WNK3: variants seen among roughly 807,000 people sequenced by gnomAD.
WNK3 encodes the protein serine/threonine-protein kinase WNK3.
Under a neutral mutation model 116.7 loss-of-function variants are expected in WNK3, and 18 were observed. The ratio of observed to expected loss-of-function variants is 0.15; its 90% CI spans 0.11 to 0.23. The LOEUF is 0.23. WNK3 is among the 10% of genes least tolerant of loss of function. The probability of loss-of-function intolerance (pLI) is 1.00; values close to 1 mark genes in which losing one functional copy is unlikely to be tolerated. For missense variants in WNK3, 993 were observed against 1,323.8 expected (o/e 0.75, Z 3.88); for synonymous variants, 404 against 469.4 (o/e 0.86, Z 1.80).
At chrX:54,309,384 T>C in intron 3 of WNK3, 69 bp from the exon 4 acceptor site, 1 of 799,131 alleles carries the variant, frequency 1.3e-6, no homozygotes, top group African/African-American at 2.0e-5. Context: ...ACTATTAAGG[T>C]AAGTTACATA....
intron 17 of WNK3, among the ~76,000 whole-genome samples, chrX:54,243,407 C>T (rs1377076623): frequency 4.9e-5 from 4 of 81,160 alleles, no homozygotes; most frequent in Non-Finnish European, 6.6e-5. Context: ...GGCGAAAGTG[C>T]GAGACTCCGT....
chrX:54,208,179 C>T (rs1243153171), intron 22 of WNK3, among the ~76,000 whole-genome samples: 6 of 110,386 alleles, frequency 5.4e-5, no homozygotes, highest in Non-Finnish European at 1.1e-4. Flanking sequence ...GGCTGCAGTG[C>T]AGTGGCGCGA....
intron 8 of WNK3, among the ~76,000 whole-genome samples, 142 bp downstream of exon 8, chrX:54,294,391 TAGAAGTGCTATTTAGAGCAC>T (rs1300699952): frequency 2.7e-5 from 3 of 111,822 alleles, no homozygotes; most frequent in African/African-American, 6.5e-5. Context: ...GATGAAATGA[TAGAAGTGCTATTTAGAGCAC>T]AGAAGTGCTA....
At chrX:54,270,480 A>G (rs368814432) in intron 10 of WNK3, among the ~76,000 whole-genome samples, 1 of 103,569 alleles carries the variant, frequency 9.7e-6, no homozygotes, top group Non-Finnish European at 2.0e-5. Context: ...TCTTGGTTCA[A>G]TGCAACTTCC....
chrX:54,333,011 C>A (rs2069190721), intron 2 of WNK3, 126 bp downstream of exon 2: 1 of 478,039 alleles, frequency 2.1e-6, no homozygotes, highest in Admixed American at 3.9e-5. Context: ...ACCATAATTT[C>A]TAGGATGTGG....
chrX:54,219,999 A>G (rs192718657), intron 22 of WNK3, among the ~76,000 whole-genome samples: 18 of 112,056 alleles, frequency 1.6e-4, no homozygotes, highest in African/African-American at 5.5e-4. Context: ...GGTATATACA[A>G]CTGAGATTTG....
At chrX:54,324,315 A>G (rs2069072382) in intron 2 of WNK3, among the ~76,000 whole-genome samples, 1 of 112,227 alleles carries the variant, frequency 8.9e-6, no homozygotes. Flanking sequence ...GTAAGATGAC[A>G]TATTCACAGG....
At chrX:54,338,646 T>A (rs1232713346) in intron 1 of WNK3, among the ~76,000 whole-genome samples, 1 of 106,636 alleles carries the variant, frequency 9.4e-6, no homozygotes, top group Non-Finnish European at 1.9e-5. Context: ...AATAGAGGAG[T>A]GGCAAGTACT....
intron 1 of WNK3, among the ~76,000 whole-genome samples, chrX:54,339,751 A>G (rs2069293702): frequency 8.9e-6 from 1 of 112,448 alleles, no homozygotes; most frequent in South Asian, 3.7e-4. Context: ...TCCTAAATAC[A>G]AAAGCTAAAA....
intron 1 of WNK3, among the ~76,000 whole-genome samples, chrX:54,336,691 A>G (rs1367131424): frequency 9.0e-6 from 1 of 111,373 alleles, no homozygotes; most frequent in Non-Finnish European, 1.9e-5. Context: ...AAACAAGGAG[A>G]CCCATTAAAA....
chrX:54,266,894 C>T (rs1226050502), intron 10 of WNK3, among the ~76,000 whole-genome samples: 1 of 109,971 alleles, frequency 9.1e-6, no homozygotes, highest in Non-Finnish European at 1.9e-5. Context: ...CCTCCCCTTT[C>T]CCCACATCCC....
At chrX:54,291,313 A>T in intron 10 of WNK3, among the ~76,000 whole-genome samples, 1 of 109,229 alleles carries the variant, frequency 9.2e-6, no homozygotes, top group East Asian at 2.8e-4. Context: ...ACTCCATCTC[A>T]AAAAAAACAA....
rs1214355492 is a variant in WNK3, at chrX:54,211,822, A to G, written c.4871-9629T>C. ...GACTCTGCCTCAAAAAAAAAGAGAC[A>G]ATGAGAAAAATCTCCAAACTCTTCA... On this transcript the variant is annotated intron_variant, in intron 22 of 23. Coordinates refer to ENST00000354646, the Ensembl canonical transcript of WNK3. 1.9e-4 allele frequency among the ~76,000 whole-genome samples: 21 copies of G among 110,678 alleles called. No individual in the cohort carries two copies. The Admixed American group carries it at 2.1e-3, about 11-fold the overall frequency.
exon 2 of WNK3, chrX:54,333,452 T>G: frequency 8.3e-7 from 1 of 1,211,597 alleles, no homozygotes; most frequent in African/African-American, 1.7e-5. Context: ...CTTTGGGGGA[T>G]GATTCGGCAA....
chrX:54,255,810 C>T (rs1557155355), exon 12 of WNK3: 4 of 1,207,164 alleles, frequency 3.3e-6, no homozygotes, highest in Non-Finnish European at 4.5e-6. Flanking sequence ...CTGTTTGATC[C>T]GATCCTGTTT....
intron 3 of WNK3, among the ~76,000 whole-genome samples, chrX:54,310,165 A>G (rs2068870563): frequency 9.2e-6 from 1 of 108,804 alleles, no homozygotes; most frequent in Non-Finnish European, 1.9e-5. Context: ...ATAATATACT[A>G]TAATACTATA....
At chrX:54,340,121 G>A (rs2069300633) in intron 1 of WNK3, among the ~76,000 whole-genome samples, 1 of 111,096 alleles carries the variant, frequency 9.0e-6, no homozygotes, top group Non-Finnish European at 1.9e-5. Flanking sequence ...CTGCACTCCA[G>A]CCTGGGTAAC....
rs782304144 is a variant in WNK3, at chrX:54,255,853, C to T, written c.2137G>A (p.Val713Ile). Residue 713 changes from valine (V) to isoleucine (I), a missense_variant, in exon 12 of 24, where the codon GTC (valine) becomes ATC (isoleucine). Around this residue, in one of 4 missense-constraint regions of WNK3, gnomAD observed 836 missense variants for 976.5 expected, o/e 0.86. Transcript: ENST00000354646. ...CCACTTGGGTTATCAGGGCTACTGACGTTTTCCTTCGTAGTTGCCACATCT... is the reference window on the plus strand; with the variant it reads ...CCACTTGGGTTATCAGGGCTACTGATGTTTTCCTTCGTAGTTGCCACATCT... The T allele has an allele frequency of 1.7e-6, 2 of 1,203,548 alleles. No homozygotes were observed. Among genetic ancestry groups the T allele is most frequent in the South Asian group, 3.6e-5 (2 of 55,371 alleles).
At chrX:54,255,595 C>T in intron 12 of WNK3, 145 bp downstream of exon 12, 1 of 443,591 alleles carries the variant, frequency 2.3e-6, no homozygotes. Context: ...ACACATAATA[C>T]TCACATTGGA....
Sources: allele counts gnomAD v4.1 joint callset (sites outside exome capture counted in the v4.1 genomes callset), GRCh38; gene constraint gnomAD v4.1.1; regional missense constraint gnomAD v4.1.1; transcripts MANE v1.5; gene names NCBI Gene and HGNC (gene_info 2026-07-23, HGNC 2026-07-21).